PPARGC1A: variants seen among roughly 807,000 people sequenced by gnomAD.
PPARGC1A encodes the protein peroxisome proliferator-activated receptor gamma coactivator 1-alpha.
PPARGC1A carries 25 observed loss-of-function variants against 88.7 expected under a neutral mutation model. The ratio of observed to expected loss-of-function variants is 0.28; its 90% CI spans 0.21 to 0.39. PPARGC1A has a LOEUF of 0.39. PPARGC1A is among the 10% of genes least tolerant of loss of function. The pLI is 1.00. For missense variants in PPARGC1A, 880 were observed against 968.7 expected (o/e 0.91, Z 1.22); for synonymous variants, 363 against 355.6 (o/e 1.02, Z -0.24).
chr4:24,135,345 T>C, the PPARGC1A span, among the ~76,000 whole-genome samples: 1 of 152,076 alleles, frequency 6.6e-6, no homozygotes. Context: ...CAAATCCTCA[T>C]CTCCATTAAG....
chr4:24,133,491 A>C, the PPARGC1A span, among the ~76,000 whole-genome samples: 1 of 152,220 alleles, frequency 6.6e-6, no homozygotes, highest in Non-Finnish European at 1.5e-5. Context: ...TGGGAAAAGC[A>C]ACTTGGCTCC....
At chr4:24,059,910 T>C in the PPARGC1A span, among the ~76,000 whole-genome samples, 20 of 152,268 alleles carry the variant, frequency 1.3e-4, no homozygotes, top group African/African-American at 4.8e-4. Flanking sequence ...TCCACCTGGC[T>C]CTCTGATTGC....
At chr4:24,084,805 C>G in the PPARGC1A span, among the ~76,000 whole-genome samples, 1 of 152,126 alleles carries the variant, frequency 6.6e-6, no homozygotes, top group Admixed American at 6.5e-5. Context: ...CAAAAAATTA[C>G]AACCAGCTAT....
the PPARGC1A span, among the ~76,000 whole-genome samples, chr4:24,132,778 A>G: frequency 5.3e-5 from 8 of 151,048 alleles, no homozygotes; most frequent in Non-Finnish European, 8.8e-5. Flanking sequence ...GACAAACAAC[A>G]TCCTTTCAAA....
the PPARGC1A span, among the ~76,000 whole-genome samples, chr4:24,402,510 C>A: frequency 6.6e-6 from 1 of 152,204 alleles, no homozygotes; most frequent in Non-Finnish European, 1.5e-5. Context: ...GTCCTCTCTG[C>A]AGATGAGGAA....
At chr4:24,032,280 G>T in the PPARGC1A span, among the ~76,000 whole-genome samples, 1 of 152,068 alleles carries the variant, frequency 6.6e-6, no homozygotes, top group Non-Finnish European at 1.5e-5. Context: ...ATAAATGAGG[G>T]GCACAAGTGT....
At chr4:23,798,720 T>G (rs1718090797) in intron 12 of PPARGC1A, among the ~76,000 whole-genome samples, 1 of 151,938 alleles carries the variant, frequency 6.6e-6, no homozygotes, top group Admixed American at 6.6e-5. Context: ...TCCCCTCTGA[T>G]TTTTTTTCGT....
the PPARGC1A span, among the ~76,000 whole-genome samples, chr4:24,331,270 C>A: frequency 2.6e-5 from 4 of 152,134 alleles, no homozygotes; most frequent in Non-Finnish European, 5.9e-5. Context: ...AGTTCCCTTT[C>A]CCTGGAATAC....
At chr4:23,904,080 G>C, upstream of PPARGC1A, 2 of 980,374 alleles carry the variant, frequency 2.0e-6, no homozygotes, top group Non-Finnish European at 1.2e-6. Flanking sequence ...TGAGATGAGG[G>C]AACACTCACA....
At chr4:24,114,123 C>CAAAAAAA in the PPARGC1A span, among the ~76,000 whole-genome samples, 16 of 60,752 alleles carry the variant, frequency 2.6e-4, no homozygotes, top group East Asian at 1.5e-3. Context: ...GACTCCATCA[C>CAAAAAAA]AAAAAAAAAA....
chr4:23,834,010 T>C (rs946652664), intron 2 of PPARGC1A, among the ~76,000 whole-genome samples: 3 of 151,976 alleles, frequency 2.0e-5, no homozygotes, highest in Non-Finnish European at 2.9e-5. Context: ...ATTAAAAATA[T>C]AAAAATTGGC....
chr4:24,188,919 T>C, the PPARGC1A span, among the ~76,000 whole-genome samples: 1,042 of 152,158 alleles, frequency 6.8e-3, 35 homozygotes, highest in East Asian at 0.096. Context: ...GACGAATGAA[T>C]AATCAAAATG....
At chr4:23,873,196 T>TGAAA (rs1560487726) in intron 2 of PPARGC1A, among the ~76,000 whole-genome samples, 1 of 32,696 alleles carries the variant, frequency 3.1e-5, no homozygotes, top group Non-Finnish European at 9.8e-5. Context: ...AGACTCCGTC[T>TGAAA]CAAAAATAAA....
At chr4:23,968,516 T>C in the PPARGC1A span, among the ~76,000 whole-genome samples, 1 of 152,278 alleles carries the variant, frequency 6.6e-6, no homozygotes, top group Admixed American at 6.5e-5. Flanking sequence ...TTCCCATTCA[T>C]TCTCTACTCA....
At chr4:24,350,081 TG>T in the PPARGC1A span, among the ~76,000 whole-genome samples, 1 of 152,142 alleles carries the variant, frequency 6.6e-6, no homozygotes, top group Non-Finnish European at 1.5e-5. Context: ...GCTTCTCCAG[TG>T]GGGGGTGTGT....
the PPARGC1A span, among the ~76,000 whole-genome samples, chr4:24,366,686 T>C: frequency 2.0e-5 from 3 of 152,158 alleles, no homozygotes; most frequent in Admixed American, 6.6e-5. Context: ...TTCAAAGCTT[T>C]CTATCCTGCT....
At chr4:23,930,723 G>C in the PPARGC1A span, among the ~76,000 whole-genome samples, 1 of 152,046 alleles carries the variant, frequency 6.6e-6, no homozygotes, top group Admixed American at 6.5e-5. Flanking sequence ...ACTCTCAAAG[G>C]GACAAACACA....
the PPARGC1A span, among the ~76,000 whole-genome samples, chr4:24,187,929 T>C: frequency 6.6e-6 from 1 of 152,192 alleles, no homozygotes; most frequent in Non-Finnish European, 1.5e-5. Flanking sequence ...CTTTTGAAGA[T>C]GGAATATTTA....
At chr4:23,890,592 G>A (rs766580184), upstream of PPARGC1A, among the ~76,000 whole-genome samples, 17 of 133,164 alleles carry the variant, frequency 1.3e-4, no homozygotes, top group Admixed American at 2.4e-4. Context: ...GTTTGAAAGC[G>A]CAAACGGGGC....
Sources: gnomAD v4.1 joint callset for allele counts (sites outside exome capture counted in the v4.1 genomes callset) on GRCh38, gnomAD v4.1.1 for gene constraint, MANE v1.5 for transcripts, NCBI Gene and HGNC (gene_info 2026-07-23, HGNC 2026-07-21) for gene names.